Variants in TMEM164 observed in about 807,000 individuals in gnomAD.
TMEM164 encodes transmembrane protein 164.
A neutral mutation model predicts 18.8 loss-of-function variants in TMEM164; 4 were observed. The observed-to-expected ratio is 0.21, with a 90% CI of 0.10 to 0.49. The LOEUF (loss-of-function observed/expected upper bound fraction) is 0.49, where lower values mean the gene tolerates loss of function less well. Ranked by LOEUF, TMEM164 falls within the 20% of genes least tolerant of loss-of-function variation. The pLI, the probability that TMEM164 is intolerant of heterozygous loss-of-function variation, is 0.98. For synonymous variants in TMEM164, 86 were observed against 101.7 expected, an observed-to-expected ratio of 0.85 and a Z score of 0.93; for missense variants, 108 against 239.9, an observed-to-expected ratio of 0.45 and a Z score of 3.63.
intron 2 of TMEM164, among the ~76,000 whole-genome samples, chrX:110,041,211 T>A (rs1300157575): frequency 2.7e-5 from 3 of 112,167 alleles, no homozygotes; most frequent in Middle Eastern, 4.2e-3. Flanking sequence ...GTAGGTATCA[T>A]TAATCTCCAA....
chrX:110,013,672 T>C (rs765543840), intron 2 of TMEM164, among the ~76,000 whole-genome samples: 1 of 111,638 alleles, frequency 9.0e-6, no homozygotes, highest in Admixed American at 9.5e-5. Context: ...GATAGAGCCT[T>C]TGGACCATAT....
chrX:110,036,501 A>G lies in TMEM164; in HGVS notation c.391-30846A>G, dbSNP rs758793650. 2.7e-5 allele frequency among the ~76,000 whole-genome samples: 3 copies of G among 112,445 alleles called. No homozygotes were observed. The East Asian group carries it at 8.3e-4, about 31-fold the overall frequency. On this transcript the variant is annotated intron_variant, in intron 2 of 6. Transcript: ENST00000372068. ...TGCATTGACTCCCAGAGCCTAGTAG[A>G]GAGCTTAGTGTACAATGGGCTGATT...
chrX:110,124,168 AAGGAAGGAAGGC>A (rs1395551204), intron 4 of TMEM164, among the ~76,000 whole-genome samples: 1 of 92,285 alleles, frequency 1.1e-5, no homozygotes, highest in Non-Finnish European at 2.1e-5. Context: ...GGAAGGAAGG[AAGGAAGGAAGGC>A]AGGAAGGCAG....
intron 2 of TMEM164, among the ~76,000 whole-genome samples, chrX:110,060,967 C>A (rs1210233970): frequency 1.8e-5 from 2 of 112,160 alleles, no homozygotes; most frequent in African/African-American, 6.5e-5. Context: ...TGAAATAATA[C>A]TATTGTAATC....
intron 3 of TMEM164, among the ~76,000 whole-genome samples, chrX:110,092,445 G>C (rs182861229): frequency 0.027 from 2,968 of 111,306 alleles, 81 homozygotes; most frequent in African/African-American, 0.083. Flanking sequence ...AGGTGGATTC[G>C]TAGGTATTTT....
At position 110,175,798 on chromosome X, in the gene TMEM164, A is replaced by T. The variant is rs749107735; in HGVS notation, c.*2347A>T. 9 of 753,530 alleles carry T rather than the reference A, an allele frequency of 1.2e-5. No individual in the cohort carries two copies. Among genetic ancestry groups the T allele is most frequent in the Non-Finnish European group, 1.4e-5 (9 of 639,357 alleles). The allele number at this position is 753,530 out of a possible 1,213,427, so 62.1% of individuals were successfully genotyped here. On this transcript the variant is annotated 3_prime_UTR_variant, in exon 7 of 7. Transcript: ENST00000372068. ...ATGGCCTGTATTTGGGGCATTGGGGAGCATAAGGCATCTGAACTGGTCCAG... is the reference window on the plus strand; with the variant it reads ...ATGGCCTGTATTTGGGGCATTGGGGTGCATAAGGCATCTGAACTGGTCCAG...
chrX:110,180,313 C>A (rs1202602619), downstream of TMEM164, among the ~76,000 whole-genome samples: 1 of 112,491 alleles, frequency 8.9e-6, no homozygotes, highest in Non-Finnish European at 1.9e-5. Flanking sequence ...ACAACCTGAT[C>A]CCCCAATGAG....
At chrX:110,171,559 C>T in intron 6 of TMEM164, 39 bp downstream of exon 6, 1 of 1,061,115 alleles carries the variant, frequency 9.4e-7, no homozygotes, top group Non-Finnish European at 1.3e-6. Context: ...CCTCTGTTTG[C>T]AGTTCTCCAT....
At chrX:110,049,476 A>G (rs1935455438) in intron 2 of TMEM164, among the ~76,000 whole-genome samples, 1 of 111,509 alleles carries the variant, frequency 9.0e-6, no homozygotes, top group South Asian at 3.8e-4. Context: ...CAAAGCATGC[A>G]GCCTAGATCC....
At chrX:110,018,375 G>A (rs755061121) in intron 2 of TMEM164, among the ~76,000 whole-genome samples, 11 of 111,784 alleles carry the variant, frequency 9.8e-5, no homozygotes, top group African/African-American at 3.6e-4. Flanking sequence ...ACAAAACTGA[G>A]TAATTTTGGC....
intron 4 of TMEM164, among the ~76,000 whole-genome samples, chrX:110,123,562 C>T (rs1296851147): frequency 8.9e-6 from 1 of 112,518 alleles, no homozygotes; most frequent in Non-Finnish European, 1.9e-5. Context: ...CTTTCCACCT[C>T]CCCTGTTGCA....
At chrX:110,039,439 C>G (rs185121465) in intron 2 of TMEM164, among the ~76,000 whole-genome samples, 1 of 112,561 alleles carries the variant, frequency 8.9e-6, no homozygotes, top group African/African-American at 3.2e-5. Flanking sequence ...AAGGAAAACT[C>G]GAGAGCGGCC....
chrX:110,103,772 T>G (rs752977735), intron 3 of TMEM164, among the ~76,000 whole-genome samples: 1 of 111,955 alleles, frequency 8.9e-6, no homozygotes, highest in African/African-American at 3.2e-5. Context: ...CTTTGCTTCT[T>G]GGGAGCACTT....
At chrX:110,178,404 C>T (rs760125583), downstream of TMEM164, among the ~76,000 whole-genome samples, 12 of 111,558 alleles carry the variant, frequency 1.1e-4, no homozygotes, top group African/African-American at 2.9e-4. Context: ...CCAGATATGG[C>T]GAAGGGGAAG....
At chrX:110,134,459 CTGA>C (rs746604334) in intron 4 of TMEM164, among the ~76,000 whole-genome samples, 160 of 104,892 alleles carry the variant, frequency 1.5e-3, no homozygotes, top group Non-Finnish European at 2.6e-3. Context: ...ACTCGGGAGG[CTGA>C]GGCAGGAGAA....
intron 2 of TMEM164, among the ~76,000 whole-genome samples, chrX:110,055,149 GT>G (rs1935759734): frequency 9.0e-6 from 1 of 111,538 alleles, no homozygotes; most frequent in South Asian, 3.8e-4. Flanking sequence ...GGATGTTCCT[GT>G]TTTCAATTCC....
At chrX:110,093,808 T>A (rs745443240) in intron 3 of TMEM164, among the ~76,000 whole-genome samples, 3 of 112,318 alleles carry the variant, frequency 2.7e-5, no homozygotes, top group Non-Finnish European at 5.6e-5. Flanking sequence ...TTTCCTGCTT[T>A]CTCTTGTGGG....
At chrX:110,149,365 T>A (rs1376518716) in intron 5 of TMEM164, among the ~76,000 whole-genome samples, 1 of 111,702 alleles carries the variant, frequency 9.0e-6, no homozygotes, top group African/African-American at 3.3e-5. Flanking sequence ...ACAGAAATGG[T>A]GCTTCTAAAG....
At chrX:110,050,723 A>T (rs1402439232) in intron 2 of TMEM164, among the ~76,000 whole-genome samples, 1 of 112,104 alleles carries the variant, frequency 8.9e-6, no homozygotes, top group Non-Finnish European at 1.9e-5. Context: ...GGTCAGGTAC[A>T]TATGTGGGGA....
Sources: allele counts gnomAD v4.1 joint callset (sites outside exome capture counted in the v4.1 genomes callset), GRCh38; gene constraint gnomAD v4.1.1; transcripts MANE v1.5; gene names NCBI Gene and HGNC (gene_info 2026-07-23, HGNC 2026-07-21).